Variants in SUPT20H observed in about 807,000 individuals in gnomAD.
SUPT20H encodes transcription factor SPT20 homolog.
A neutral mutation model predicts 122.8 loss-of-function variants in SUPT20H; 82 were observed. That is an observed-to-expected ratio of 0.67 (90% CI 0.56 to 0.80). SUPT20H has a LOEUF of 0.80. SUPT20H is among the 30% of genes least tolerant of loss of function. SUPT20H has a pLI of 0.00. For missense variants in SUPT20H, 831 were observed against 921.6 expected (o/e 0.90, Z 1.27); for synonymous variants, 291 against 313.0 (o/e 0.93, Z 0.74).
chr13:37,051,960 A>G (rs534776803), intron 1 of SUPT20H, among the ~76,000 whole-genome samples: 1 of 152,292 alleles, frequency 6.6e-6, no homozygotes, highest in South Asian at 2.1e-4. Context: ...GGGCTTGATC[A>G]CTATCCAGTT....
Position 37,023,078 on chromosome 13 carries a change from A to T in SUPT20H, c.1591+957T>A, listed in dbSNP as rs971252693. ...AGAAAGGAAAGAAATGTGAATGTCC[A>T]GAAGCTGTCACTCAACCCTTACTTA... On this transcript the variant is annotated intron_variant, in intron 19 of 25. Coordinates refer to ENST00000350612, the MANE Select transcript of SUPT20H (RefSeq NM_001014286.3). The T allele has an allele frequency of 3.9e-6, 5 of 1,276,666 alleles. No individual in the cohort carries two copies. In the South Asian group the frequency reaches 6.3e-5, roughly 16 times the overall value. 79.1% of individuals were successfully genotyped at this position (1,276,666 alleles called of 1,614,324 possible). A position where few individuals can be genotyped will look rare whatever the true frequency, so the allele number is the denominator to read the frequency against.
intron 5 of SUPT20H, 42 bp downstream of exon 5, chr13:37,047,493 C>G (rs577421735): frequency 7.2e-7 from 1 of 1,395,054 alleles, no homozygotes; most frequent in South Asian, 1.5e-5. Context: ...TTCCTCTCTT[C>G]TACATTTCAA....
intron 1 of SUPT20H, among the ~76,000 whole-genome samples, chr13:37,054,378 T>C (rs2068460544): frequency 6.6e-6 from 1 of 152,176 alleles, no homozygotes; most frequent in African/African-American, 2.4e-5. Context: ...AATAAAATAA[T>C]GGCAAATCGA....
At chr13:37,015,515 C>T (rs1245174490) in intron 23 of SUPT20H, among the ~76,000 whole-genome samples, 1 of 151,304 alleles carries the variant, frequency 6.6e-6, no homozygotes, top group Non-Finnish European at 1.5e-5. Context: ...AAAGACCCAA[C>T]CACCACCAGA....
chr13:37,016,761 T>G (rs1225344947), intron 23 of SUPT20H, among the ~76,000 whole-genome samples: 1 of 152,226 alleles, frequency 6.6e-6, no homozygotes, highest in African/African-American at 2.4e-5. Flanking sequence ...TAGAAACACT[T>G]GTACTTCCTT....
At chr13:37,021,298 C>T (rs904338631) in intron 21 of SUPT20H, 150 bp downstream of exon 21, 2 of 876,668 alleles carry the variant, frequency 2.3e-6, no homozygotes, top group Non-Finnish European at 3.1e-6. Context: ...AATGCCAGAA[C>T]TTTTAAAGGC....
Position 37,010,583 on chromosome 13 carries a change from G to A in SUPT20H, c.2171C>T (p.Ser724Phe). The A allele has an allele frequency of 6.2e-7, 1 of 1,613,852 alleles. No individual in the cohort carries two copies. The highest frequency in any genetic ancestry group is 1.1e-5 in the South Asian group (1 of 91,068). Residue 724 changes from serine (S) to phenylalanine (F), a missense_variant, in exon 25 of 26, where the codon TCT (serine) becomes TTT (phenylalanine). Ser to Phe is a radical substitution (Grantham distance 155, BLOSUM62 -2). Coordinates refer to ENST00000350612, the MANE Select transcript of SUPT20H (RefSeq NM_001014286.3). ...CTGTTGCTGCTGCTGTTGAAAGGCA[G>A]AGGAGAGCTGGAATCTCTGCTGAGG... ...SLPQQRFQLS[S>F]AFQQQQQQIQ...
At chr13:37,054,821 C>A (rs1229359250) in intron 1 of SUPT20H, among the ~76,000 whole-genome samples, 1 of 152,166 alleles carries the variant, frequency 6.6e-6, no homozygotes. Flanking sequence ...AAGAGGAAGT[C>A]AAATTGTCCC....
intron 5 of SUPT20H, 63 bp from the exon 6 acceptor site, chr13:37,045,436 T>A: frequency 6.3e-7 from 1 of 1,576,104 alleles, no homozygotes; most frequent in Middle Eastern, 1.7e-4. Context: ...AATAATGCTA[T>A]GATTTAACAA....
chr13:37,039,782 T>C (rs2065138808), intron 9 of SUPT20H: 1 of 152,184 alleles, frequency 6.6e-6, no homozygotes, highest in African/African-American at 2.4e-5. Context: ...ATTGATATGG[T>C]TCAGTTCCCA....
At chr13:37,017,530 AT>A (rs2060724063) in intron 22 of SUPT20H, among the ~76,000 whole-genome samples, 166 bp from the exon 23 acceptor site, 1 of 152,232 alleles carries the variant, frequency 6.6e-6, no homozygotes, top group South Asian at 2.1e-4. Flanking sequence ...AAAAAGACCT[AT>A]TTAGAAACTG....
intron 23 of SUPT20H, among the ~76,000 whole-genome samples, chr13:37,016,202 G>T (rs924333535): frequency 6.6e-6 from 1 of 152,082 alleles, no homozygotes; most frequent in African/African-American, 2.4e-5. Flanking sequence ...AGGCTGAGGT[G>T]GGCGGATCAC....
chr13:37,050,003 G>T (rs1051727756), intron 2 of SUPT20H, among the ~76,000 whole-genome samples: 3 of 152,066 alleles, frequency 2.0e-5, no homozygotes, highest in African/African-American at 7.2e-5. Flanking sequence ...GGGTAAGGGG[G>T]AAAAACAAAT....
At chr13:37,018,329 C>T (rs1020760059) in intron 22 of SUPT20H, among the ~76,000 whole-genome samples, 17 of 152,230 alleles carry the variant, frequency 1.1e-4, no homozygotes, top group African/African-American at 3.4e-4. Context: ...AGCAATATGC[C>T]GGAAGGTAGG....
chr13:37,017,332 CAG>C lies in SUPT20H; in HGVS notation c.1903_1904del (p.Leu635AlafsTer22). The C allele has an allele frequency of 6.2e-7, 1 of 1,614,008 alleles. No homozygotes were observed. The highest frequency in any genetic ancestry group is 8.5e-7 in the Non-Finnish European group (1 of 1,179,968). On this transcript the variant is annotated frameshift_variant, in exon 23 of 26. Transcript: ENST00000350612. LOFTEE classifies it high-confidence loss of function. ...LPGGSLIFNTLQQQQQQLSQF... is the reference protein window; with the variant it reads ...LPGGSLIFNTXQQQQQQLSQF... ...GGGAGAGCTGCTGTTGCTGCTGCTG[CAG>C]AGTGTTAAAAATAAGTGAACCACCT...
chr13:37,053,165 C>A lies in SUPT20H; in HGVS notation c.-93-1582G>T, dbSNP rs1457231593. 2.0e-5 allele frequency among the ~76,000 whole-genome samples: 3 copies of A among 152,170 alleles called. No individual in the cohort carries two copies. In the East Asian group the frequency reaches 5.8e-4, roughly 29 times the overall value. ...ACTGTTTGACCCAGCAATCCCATTA[C>A]TGGGTATATACCAAAGGATTATAAA... On this transcript the variant is annotated intron_variant, in intron 1 of 25. Coordinates refer to ENST00000350612, the MANE Select transcript of SUPT20H (RefSeq NM_001014286.3).
chr13:37,020,777 C>T (rs959388817), intron 21 of SUPT20H, among the ~76,000 whole-genome samples: 3 of 151,976 alleles, frequency 2.0e-5, no homozygotes, highest in Non-Finnish European at 2.9e-5. Context: ...GAAACTGAAT[C>T]GTTTCAAGAT....
At chr13:37,009,918 A>C in intron 25 of SUPT20H, 109 bp from the exon 26 acceptor site, 1 of 1,458,108 alleles carries the variant, frequency 6.9e-7, no homozygotes, top group Non-Finnish European at 9.1e-7. Context: ...GAAAGCACCA[A>C]GATAACAAAA....
At chr13:37,048,357 C>T (rs2066915500) in intron 3 of SUPT20H, among the ~76,000 whole-genome samples, 1 of 152,058 alleles carries the variant, frequency 6.6e-6, no homozygotes. Flanking sequence ...AAGTTTTATT[C>T]TGTAACATTA....
Sources: gnomAD v4.1 joint callset for allele counts (sites outside exome capture counted in the v4.1 genomes callset) on GRCh38, gnomAD v4.1.1 for gene constraint, MANE v1.5 for transcripts, NCBI Gene and HGNC (gene_info 2026-07-23, HGNC 2026-07-21) for gene names.